TCF12: variants seen among roughly 807,000 people sequenced by gnomAD.
TCF12 encodes DNA-binding protein HTF4.
TCF12 carries 45 observed loss-of-function variants against 86.0 expected under a neutral mutation model. The ratio of observed to expected loss-of-function variants is 0.52; its 90% CI spans 0.41 to 0.67. The LOEUF (loss-of-function observed/expected upper bound fraction) is 0.67. Among genes scored for constraint, TCF12 ranks in the 30% least tolerant of loss-of-function variants. The probability of loss-of-function intolerance (pLI) is 0.00; values close to 1 mark genes in which losing one functional copy is unlikely to be tolerated. For missense variants in TCF12, 881 were observed against 859.9 expected (o/e 1.02, Z -0.31); for synonymous variants, 330 against 299.6 (o/e 1.10, Z -1.05).
At chr15:57,258,241 C>T (rs1241530161) in intron 16 of TCF12, among the ~76,000 whole-genome samples, 1 of 152,030 alleles carries the variant, frequency 6.6e-6, no homozygotes, top group Non-Finnish European at 1.5e-5. Context: ...GATCACACCA[C>T]CATACTTCAC....
intron 8 of TCF12, among the ~76,000 whole-genome samples, chr15:57,221,398 G>GTGTGTA (rs1555399501): frequency 2.0e-5 from 3 of 151,598 alleles, no homozygotes; most frequent in Admixed American, 2.0e-4. Flanking sequence ...GTGTGTGTGT[G>GTGTGTA]TGTGTGTGTG....
chr15:56,977,872 C>G (rs1186601975), intron 3 of TCF12, among the ~76,000 whole-genome samples: 1 of 152,110 alleles, frequency 6.6e-6, no homozygotes, highest in Non-Finnish European at 1.5e-5. Flanking sequence ...GACTGCTTGA[C>G]TTCATCCTCA....
chr15:57,273,279 G>A lies in TCF12; in HGVS notation c.1978+17G>A, dbSNP rs377426006. The A allele has an allele frequency of 2.5e-5, 41 of 1,611,072 alleles. No individual in the cohort carries two copies. The highest frequency in any genetic ancestry group is 8.0e-5 in the African/African-American group (6 of 74,824). ...AAGTCAGAGGTAAGTAGGTTCAGCC[G>A]AGATGTATAACTGTTCTGCTTCAGA... On this transcript the variant is annotated intron_variant, in intron 19 of 20. Coordinates refer to ENST00000333725, the MANE Select transcript of TCF12 (RefSeq NM_207037.2).
intron 8 of TCF12, among the ~76,000 whole-genome samples, chr15:57,209,604 C>A (rs567212434): frequency 1.3e-5 from 2 of 152,292 alleles, no homozygotes; most frequent in East Asian, 1.9e-4. Flanking sequence ...GTCTAAACCA[C>A]CTTTACCTCT....
At chr15:56,920,029 T>TG in intron 2 of TCF12, 41 bp downstream of exon 2, 1 of 1,608,088 alleles carries the variant, frequency 6.2e-7, no homozygotes, top group Non-Finnish European at 8.5e-7. Flanking sequence ...TCTGCTGAGG[T>TG]TTTTGTTTGT....
chr15:57,004,931 T>C (rs947208185), intron 3 of TCF12, among the ~76,000 whole-genome samples: 1 of 152,220 alleles, frequency 6.6e-6, no homozygotes, highest in African/African-American at 2.4e-5. Context: ...TTCTGATCTT[T>C]AGAGTATTAG....
chr15:56,945,651 G>C (rs936878276), intron 3 of TCF12, among the ~76,000 whole-genome samples: 1 of 151,692 alleles, frequency 6.6e-6, no homozygotes, highest in Non-Finnish European at 1.5e-5. Context: ...TTTTCCTATA[G>C]TAGCTTTTAG....
intron 3 of TCF12, among the ~76,000 whole-genome samples, chr15:56,966,667 A>G (rs1353904108): frequency 1.3e-5 from 2 of 152,226 alleles, no homozygotes; most frequent in African/African-American, 2.4e-5. Context: ...TGACTTTGAT[A>G]CTAAAAACAC....
At chr15:57,263,004 C>G in intron 17 of TCF12, 108 bp from the exon 18 acceptor site, 2 of 1,162,624 alleles carry the variant, frequency 1.7e-6, no homozygotes, top group Non-Finnish European at 2.4e-6. Flanking sequence ...CATCATAACC[C>G]TGTAACTGCT....
intron 8 of TCF12, among the ~76,000 whole-genome samples, chr15:57,212,911 T>C (rs1161547661): frequency 2.6e-5 from 4 of 152,172 alleles, no homozygotes; most frequent in Admixed American, 2.6e-4. Flanking sequence ...ACTCCACAGT[T>C]TTCTGGGACC....
intron 3 of TCF12, among the ~76,000 whole-genome samples, chr15:56,940,784 C>G (rs1417851484): frequency 7.1e-6 from 1 of 140,948 alleles, no homozygotes; most frequent in Non-Finnish European, 1.5e-5. Context: ...GAGATGAGGT[C>G]TAACTCTGTT....
intron 3 of TCF12, among the ~76,000 whole-genome samples, chr15:56,992,492 A>G (rs1408707208): frequency 6.6e-6 from 1 of 152,232 alleles, no homozygotes; most frequent in African/African-American, 2.4e-5. Context: ...TGAGTCTACT[A>G]TTGAAAGTCA....
chr15:57,048,450 G>T (rs1567317522), intron 3 of TCF12, among the ~76,000 whole-genome samples: 1 of 151,904 alleles, frequency 6.6e-6, no homozygotes. Context: ...TTTAGTAGGG[G>T]CGGGGTTTCA....
chr15:57,211,079 G>A (rs1042835097), intron 8 of TCF12, among the ~76,000 whole-genome samples: 1 of 152,198 alleles, frequency 6.6e-6, no homozygotes, highest in Non-Finnish European at 1.5e-5. Context: ...AGCCATAAAT[G>A]TTTTGTTTTC....
intron 16 of TCF12, among the ~76,000 whole-genome samples, chr15:57,255,149 T>TA (rs2060291138): frequency 6.6e-6 from 1 of 152,246 alleles, no homozygotes; most frequent in Non-Finnish European, 1.5e-5. Flanking sequence ...TTACTGCTCC[T>TA]ATTCCAACTT....
chr15:57,108,537 C>T (rs569862000), intron 5 of TCF12, among the ~76,000 whole-genome samples: 2 of 151,846 alleles, frequency 1.3e-5, no homozygotes, highest in Non-Finnish European at 2.9e-5. Context: ...TTTCACTAGC[C>T]GAAAGAAACT....
intron 5 of TCF12, among the ~76,000 whole-genome samples, chr15:57,108,639 C>A (rs557523124): frequency 6.6e-6 from 1 of 151,234 alleles, no homozygotes; most frequent in African/African-American, 2.4e-5. Flanking sequence ...AGAGAGAGAT[C>A]TGGCTTGGAG....
intron 7 of TCF12, among the ~76,000 whole-genome samples, chr15:57,197,045 T>C (rs1326617292): frequency 6.6e-6 from 1 of 152,020 alleles, no homozygotes; most frequent in Non-Finnish European, 1.5e-5. Flanking sequence ...TCACTAAATA[T>C]GACTCTGCTA....
Position 57,263,406 on chromosome 15 carries a change from G to A in TCF12, c.1745+132G>A, listed in dbSNP as rs1193342473. The A allele has an allele frequency of 6.6e-6, 6 of 905,386 alleles. 1 individual carries two copies. The South Asian group carries it at 8.5e-5, about 13-fold the overall frequency. The allele number at this position is 905,386 out of a possible 1,614,324, so 56.1% of individuals were successfully genotyped here. ...TTGTGTTAGGATTTTTGTGTATGTT[G>A]TCTCATTTAATCACCACATCATCTC... is the stretch of plus-strand genomic sequence containing the variant. On this transcript the variant is annotated intron_variant, in intron 18 of 20. Transcript: ENST00000333725.
Sources: gnomAD v4.1 joint callset for allele counts (sites outside exome capture counted in the v4.1 genomes callset) on GRCh38, gnomAD v4.1.1 for gene constraint, MANE v1.5 for transcripts, NCBI Gene and HGNC (gene_info 2026-07-23, HGNC 2026-07-21) for gene names.